The following SLC4A10 variants were observed in gnomAD, a reference collection of about 807,000 sequenced individuals.
SLC4A10 encodes the protein sodium-driven chloride bicarbonate exchanger.
A neutral mutation model predicts 137.7 loss-of-function variants in SLC4A10; 42 were observed. That is an observed-to-expected ratio of 0.30 (90% CI 0.24 to 0.39). The LOEUF (loss-of-function observed/expected upper bound fraction) is 0.39. Ranked by LOEUF, SLC4A10 falls within the 10% of genes least tolerant of loss-of-function variation. The pLI is 1.00. For synonymous variants in SLC4A10, 474 were observed against 464.1 expected, an observed-to-expected ratio of 1.02 and a Z score of -0.27; for missense variants, 925 against 1,355.0, an observed-to-expected ratio of 0.68 and a Z score of 4.98.
At chr2:161,767,217 C>CATAT (rs72199258) in intron 1 of SLC4A10, among the ~76,000 whole-genome samples, 1 of 92,360 alleles carries the variant, frequency 1.1e-5, no homozygotes, top group Non-Finnish European at 2.4e-5. Flanking sequence ...TATATATACA[C>CATAT]ATATATATAT....
At chr2:161,798,775 C>T (rs954618905) in intron 2 of SLC4A10, among the ~76,000 whole-genome samples, 11 of 150,610 alleles carry the variant, frequency 7.3e-5, no homozygotes, top group African/African-American at 2.4e-4. Context: ...GTTCTACCTG[C>T]GTTTATTTTT....
chr2:161,938,872 A>T (rs1692115018), intron 15 of SLC4A10, among the ~76,000 whole-genome samples: 1 of 152,086 alleles, frequency 6.6e-6, no homozygotes, highest in Non-Finnish European at 1.5e-5. Flanking sequence ...CCTAGGGAAA[A>T]AAAACCCCAC....
intron 3 of SLC4A10, among the ~76,000 whole-genome samples, chr2:161,830,597 T>C (rs1381390602): frequency 6.6e-6 from 1 of 152,068 alleles, no homozygotes; most frequent in East Asian, 1.9e-4. Flanking sequence ...ATGAGATATA[T>C]TTTATTACCC....
At chr2:161,900,677 CTCTTAG>C (rs1235952412) in intron 11 of SLC4A10, among the ~76,000 whole-genome samples, 2 of 152,028 alleles carry the variant, frequency 1.3e-5, no homozygotes, top group African/African-American at 4.8e-5. Context: ...TCATTTAATT[CTCTTAG>C]TCACACTATA....
At chr2:161,764,427 G>GT (rs1372856731) in intron 1 of SLC4A10, among the ~76,000 whole-genome samples, 3 of 152,072 alleles carry the variant, frequency 2.0e-5, no homozygotes, top group African/African-American at 7.2e-5. Flanking sequence ...GTTAGAAGTA[G>GT]TTGAAGAAAG....
intron 15 of SLC4A10, among the ~76,000 whole-genome samples, chr2:161,927,178 G>A (rs571379507): frequency 2.0e-5 from 3 of 151,982 alleles, no homozygotes; most frequent in African/African-American, 7.2e-5. Context: ...CCATTCTCCC[G>A]GTCACTTTCA....
intron 3 of SLC4A10, among the ~76,000 whole-genome samples, chr2:161,830,280 T>C (rs1375622877): frequency 1.3e-5 from 2 of 152,196 alleles, no homozygotes; most frequent in African/African-American, 4.8e-5. Flanking sequence ...AGAATCTATT[T>C]TCCTCTTTAA....
intron 1 of SLC4A10, among the ~76,000 whole-genome samples, chr2:161,650,811 G>C (rs1275587762): frequency 6.6e-6 from 1 of 152,202 alleles, no homozygotes; most frequent in African/African-American, 2.4e-5. Context: ...GAGGCTGAGT[G>C]GGGGCTGGGA....
chr2:161,939,586 T>A (rs1488632949), intron 15 of SLC4A10, among the ~76,000 whole-genome samples: 3 of 152,294 alleles, frequency 2.0e-5, no homozygotes, highest in Middle Eastern at 3.4e-3. Context: ...AGGAGATGAA[T>A]AATTCTCACC....
chr2:161,946,126 G>A (rs1693757414), intron 16 of SLC4A10, among the ~76,000 whole-genome samples: 1 of 151,906 alleles, frequency 6.6e-6, no homozygotes, highest in Admixed American at 6.6e-5. Flanking sequence ...TTAAGGCCTG[G>A]GGGATTTTTC....
rs1695819682 is a variant in SLC4A10, at chr2:161,957,216, A to C, written c.2769A>C (p.Ser923=). 6 of 1,613,662 alleles carry C rather than the reference A, an allele frequency of 3.7e-6. No individual in the cohort carries two copies. The highest frequency in any genetic ancestry group is 1.3e-5 in the African/African-American group (1 of 75,034). Residue 923 remains serine, a synonymous_variant, in exon 20 of 27, where the codon TCA becomes TCC. Coordinates refer to ENST00000446997, the MANE Select transcript of SLC4A10 (RefSeq NM_001178015.2). ...GLMIFILMGS[S]VFMTSILKFI... Reference sequence around the variant, plus strand: ...TGATTTTTATTCTTATGGGTTCATCAGTCTTTATGACCAGTATTCTGAAGG... The same window carrying C: ...TGATTTTTATTCTTATGGGTTCATCCGTCTTTATGACCAGTATTCTGAAGG...
chr2:161,625,066 C>CGTGTGTGTGTGTGTGT (rs5835872), intron 1 of SLC4A10, among the ~76,000 whole-genome samples: 4 of 144,206 alleles, frequency 2.8e-5, no homozygotes, highest in South Asian at 2.3e-4. Context: ...ACAGAAGGAT[C>CGTGTGTGTGTGTGTGT]GTGTGTGTGT....
intron 15 of SLC4A10, among the ~76,000 whole-genome samples, chr2:161,913,477 T>G (rs923292344): frequency 4.6e-5 from 7 of 152,204 alleles, no homozygotes; most frequent in African/African-American, 1.7e-4. Context: ...TGTGAACCTT[T>G]GCTCTTATAA....
rs1699585484 is a variant in SLC4A10 at position 161,977,587 on chromosome 2, T to C, written c.3345-135T>C. The C allele has an allele frequency of 5.9e-6, 4 of 675,610 alleles. No homozygotes were observed. In the South Asian group the frequency reaches 9.3e-5, roughly 16 times the overall value. 41.9% of individuals were successfully genotyped at this position (675,610 alleles called of 1,614,324 possible). Reference sequence around the variant, plus strand: ...TGAAGAAAGAGGAATTCCTATGTTATGCTAATATCTCTTTTTGTTAGAGAG... The same window carrying C: ...TGAAGAAAGAGGAATTCCTATGTTACGCTAATATCTCTTTTTGTTAGAGAG... On this transcript the variant is annotated intron_variant, in intron 25 of 26. Transcript: ENST00000446997.
At chr2:161,865,763 A>G (rs1352144486) in intron 6 of SLC4A10, among the ~76,000 whole-genome samples, 1 of 152,054 alleles carries the variant, frequency 6.6e-6, no homozygotes, top group East Asian at 1.9e-4. Flanking sequence ...AAAGCCTGAC[A>G]AACTCTAGAT....
rs796647525 is a variant in SLC4A10, at chr2:161,967,973, G to GA, written c.3159+2812dup. Among the ~76,000 whole-genome samples, 280 of 134,990 alleles carry GA rather than the reference G, an allele frequency of 2.1e-3. 1 individual carries two copies. Among genetic ancestry groups the GA allele is most frequent in the Admixed American group, 3.4e-3 (46 of 13,448 alleles). The allele number at this position is 134,990 out of a possible 152,430, so 88.6% of individuals were successfully genotyped here. A position where few individuals can be genotyped will look rare whatever the true frequency, so the allele number is the denominator to read the frequency against. ...TTGTTAACTGTCTTTACTGCTTCTG[G>GA]AAAAAAAAAAAACGAACACAGCCCC... On this transcript the variant is annotated intron_variant, in intron 23 of 26. Transcript: ENST00000446997.
intron 1 of SLC4A10, among the ~76,000 whole-genome samples, chr2:161,637,113 A>G (rs1364985288): frequency 8.0e-6 from 1 of 125,204 alleles, no homozygotes; most frequent in Non-Finnish European, 1.8e-5. Flanking sequence ...GTATTTATGT[A>G]TATATATCTA....
intron 1 of SLC4A10, among the ~76,000 whole-genome samples, chr2:161,675,992 C>T (rs1051007457): frequency 1.3e-5 from 2 of 152,122 alleles, no homozygotes; most frequent in African/African-American, 2.4e-5. Context: ...GTTTTTTAGT[C>T]AGCGGGGCTT....
intron 1 of SLC4A10, among the ~76,000 whole-genome samples, chr2:161,662,139 A>G (rs547167088): frequency 1.8e-4 from 28 of 152,242 alleles, no homozygotes; most frequent in Admixed American, 1.6e-3. Flanking sequence ...TGCTAAAGAG[A>G]CTAAGAGATC....
Sources: allele counts gnomAD v4.1 joint callset (sites outside exome capture counted in the v4.1 genomes callset), GRCh38; gene constraint gnomAD v4.1.1; transcripts MANE v1.5; gene names NCBI Gene and HGNC (gene_info 2026-07-23, HGNC 2026-07-21).